The following PLCE1 variants were observed in gnomAD, a reference collection of about 807,000 sequenced individuals.
PLCE1 encodes 1-phosphatidylinositol 4,5-bisphosphate phosphodiesterase epsilon-1.
In PLCE1, 119 loss-of-function variants were observed where a neutral mutation model predicts 242.8. The ratio of observed to expected loss-of-function variants is 0.49; its 90% confidence interval spans 0.42 to 0.57. PLCE1 has a LOEUF of 0.57. Among genes scored for constraint, PLCE1 ranks in the 20% least tolerant of loss-of-function variants. The pLI is 0.00. For missense variants in PLCE1, 2,441 were observed against 2,788.8 expected (o/e 0.88, Z 2.81); for synonymous variants, 945 against 1,017.4 (o/e 0.93, Z 1.35).
chr10:94,312,729 C>G (rs1257710512), intron 27 of PLCE1, among the ~76,000 whole-genome samples: 1 of 152,336 alleles, frequency 6.6e-6, no homozygotes, highest in East Asian at 1.9e-4. Context: ...ATGACTGATT[C>G]ACTATAAGCC....
intron 2 of PLCE1, among the ~76,000 whole-genome samples, chr10:94,100,986 G>T (rs1364827926): frequency 6.6e-6 from 1 of 152,190 alleles, no homozygotes; most frequent in African/African-American, 2.4e-5. Flanking sequence ...ATTTACAGAA[G>T]CCTAGAAGTG....
At chr10:94,293,759 C>A in intron 23 of PLCE1, 120 bp downstream of exon 23, 1 of 1,156,014 alleles carries the variant, frequency 8.7e-7, no homozygotes, top group Non-Finnish European at 1.3e-6. Flanking sequence ...TTAATATTGT[C>A]TGAGTATAGT....
intron 28 of PLCE1, among the ~76,000 whole-genome samples, chr10:94,316,156 C>T (rs1000637947): frequency 6.6e-6 from 1 of 152,058 alleles, no homozygotes; most frequent in African/African-American, 2.4e-5. Flanking sequence ...AGAAGATGAC[C>T]GAGTATTTCC....
chr10:94,284,629 A>G (rs1197811944), intron 21 of PLCE1, among the ~76,000 whole-genome samples: 1 of 152,196 alleles, frequency 6.6e-6, no homozygotes, highest in African/African-American at 2.4e-5. Context: ...AAGACAGTGG[A>G]CCATGCACTG....
chr10:94,285,676 T>C (rs2052417312), intron 22 of PLCE1, among the ~76,000 whole-genome samples: 1 of 152,176 alleles, frequency 6.6e-6, no homozygotes, highest in African/African-American at 2.4e-5. Flanking sequence ...GTGTCATTGT[T>C]TCTCATTGGG....
At position 94,246,080 on chromosome 10, in the gene PLCE1, C is replaced by A. The variant is rs774506744; in HGVS notation, c.2555C>A (p.Ser852Tyr). The A allele has an allele frequency of 9.3e-6, 15 of 1,614,020 alleles. No individual in the cohort carries two copies. In the South Asian group the frequency reaches 1.4e-4, roughly 15 times the overall value. The part of the protein sequence containing the change: ...GTELIPWYVL[S>Y]IQADVHQFLL... ...GAGCTCATCCCTTGGTACGTGCTGT[C>A]CATCCAAGCCGATGTGCACCAGTTC... Residue 852 changes from serine to tyrosine, a missense_variant, in exon 8 of 33, where the codon TCC becomes TAC. By Grantham distance (144) the Ser-to-Tyr change is moderately radical (BLOSUM62 -2). Coordinates refer to ENST00000371380, the MANE Select transcript of PLCE1 (RefSeq NM_016341.4).
chr10:94,181,582 AT>A (rs1265122054), intron 4 of PLCE1, among the ~76,000 whole-genome samples: 66 of 151,486 alleles, frequency 4.4e-4, no homozygotes, highest in Admixed American at 3.9e-4. Flanking sequence ...TCTCAAAAAA[AT>A]AAAATAAAAT....
chr10:94,076,576 T>G (rs955053792), intron 2 of PLCE1, among the ~76,000 whole-genome samples: 1 of 152,206 alleles, frequency 6.6e-6, no homozygotes, highest in Non-Finnish European at 1.5e-5. Context: ...ACTTGCTCTT[T>G]CAGCTGAATC....
intron 7 of PLCE1, among the ~76,000 whole-genome samples, chr10:94,237,054 A>G (rs967039126): frequency 9.2e-5 from 14 of 152,304 alleles, no homozygotes; most frequent in Admixed American, 6.5e-5. Flanking sequence ...CCTAGCAGTC[A>G]AAGGAAAGAG....
Position 94,331,906 on chromosome 10 carries a change from C to T in PLCE1, c.*3963C>T, listed in dbSNP as rs563753515. On this transcript the variant is annotated 3_prime_UTR_variant, in exon 33 of 33. Coordinates refer to ENST00000371380, the MANE Select transcript of PLCE1 (RefSeq NM_016341.4). ...TTTTTTTTTGAGGCAAAGTCTCACT[C>T]TGTTGCCCAGCCTGGAGTGCAGTGG... 3.5e-5 allele frequency: 5 copies of T among 141,406 alleles called. No individual in the cohort carries two copies. The highest frequency in any genetic ancestry group is 1.3e-4 in the African/African-American group (5 of 38,066). 8.8% of individuals were successfully genotyped at this position (141,406 alleles called of 1,614,324 possible).
intron 26 of PLCE1, among the ~76,000 whole-genome samples, chr10:94,307,804 G>A (rs887153550): frequency 6.6e-6 from 1 of 152,184 alleles, no homozygotes; most frequent in African/African-American, 2.4e-5. Flanking sequence ...CACATTCTGA[G>A]GTACTGAGGG....
intron 2 of PLCE1, among the ~76,000 whole-genome samples, chr10:94,032,763 T>C (rs940890679): frequency 6.6e-6 from 1 of 152,162 alleles, no homozygotes; most frequent in Non-Finnish European, 1.5e-5. Flanking sequence ...TCAGATGAAA[T>C]AGAAATCATC....
At chr10:94,055,024 A>G (rs1430479881) in intron 2 of PLCE1, among the ~76,000 whole-genome samples, 1 of 151,432 alleles carries the variant, frequency 6.6e-6, no homozygotes, top group Non-Finnish European at 1.5e-5. Context: ...AAAAAAAAAA[A>G]AAAAGAAAAA....
At chr10:94,294,639 A>C (rs1366564443) in intron 23 of PLCE1, among the ~76,000 whole-genome samples, 2 of 152,236 alleles carry the variant, frequency 1.3e-5, no homozygotes, top group Admixed American at 1.3e-4. Context: ...AAAAATGTAC[A>C]TACCTTCAAT....
intron 1 of PLCE1, among the ~76,000 whole-genome samples, chr10:94,006,809 T>C (rs2061047958): frequency 6.6e-6 from 1 of 152,202 alleles, no homozygotes; most frequent in Non-Finnish European, 1.5e-5. Flanking sequence ...GGTGATGGAA[T>C]GAAGGCTCAA....
At chr10:93,997,632 C>CTTTTTTTTT (rs34338995) in intron 1 of PLCE1, among the ~76,000 whole-genome samples, 3 of 79,870 alleles carry the variant, frequency 3.8e-5, no homozygotes, top group African/African-American at 5.6e-5. Flanking sequence ...AATAACCATC[C>CTTTTTTTTT]TTTTTTTTTT....
chr10:94,143,049 T>C (rs1314050545), intron 3 of PLCE1, among the ~76,000 whole-genome samples: 2 of 152,222 alleles, frequency 1.3e-5, no homozygotes, highest in Non-Finnish European at 2.9e-5. Flanking sequence ...AATGTTATAA[T>C]TGAAATAAGC....
rs1234627666 is a variant in PLCE1 at position 94,254,967 on chromosome 10, C to T, written c.3472C>T (p.Pro1158Ser). ...RAHSLTTAGS[P>S]NLAAGTSSPI... ...CCACTCTTTGACCACAGCTGGGTCC[C>T]CCAACTTGGCTGCCGGGACGTCATC... is the stretch of plus-strand genomic sequence containing the variant. The change falls in exon 11 of 33, where the codon CCC (proline) becomes TCC (serine). Residue 1158 changes from proline (P) to serine (S), a missense_variant. Around this residue, in one of 5 missense-constraint regions of PLCE1, gnomAD observed 1,004 missense variants for 1,322.7 expected, o/e 0.76. Coordinates refer to ENST00000371380, the MANE Select transcript of PLCE1 (RefSeq NM_016341.4). 2 of 1,614,148 alleles carry T rather than the reference C, an allele frequency of 1.2e-6. No homozygotes were observed. The highest frequency in any genetic ancestry group is 8.5e-7 in the Non-Finnish European group (1 of 1,179,998).
At chr10:94,168,140 C>T (rs1372799650) in intron 3 of PLCE1, among the ~76,000 whole-genome samples, 2 of 152,122 alleles carry the variant, frequency 1.3e-5, no homozygotes, top group African/African-American at 4.8e-5. Flanking sequence ...ACCAGGGGTC[C>T]TAGAGCTACT....
Sources: allele counts gnomAD v4.1 joint callset (sites outside exome capture counted in the v4.1 genomes callset), GRCh38; gene constraint gnomAD v4.1.1; regional missense constraint gnomAD v4.1.1; transcripts MANE v1.5; gene names NCBI Gene and HGNC (gene_info 2026-07-23, HGNC 2026-07-21).